The following CTNNAL1 variants were observed in gnomAD, a reference collection of about 807,000 sequenced individuals.
CTNNAL1 encodes the protein alpha-catulin.
A neutral mutation model predicts 93.6 loss-of-function variants in CTNNAL1; 69 were observed. The ratio of observed to expected loss-of-function variants is 0.74; its 90% CI spans 0.61 to 0.90. The LOEUF (loss-of-function observed/expected upper bound fraction) is 0.90, where lower values mean the gene tolerates loss of function less well. Ranked by LOEUF, CTNNAL1 falls within the 40% of genes least tolerant of loss-of-function variation. The pLI, the probability that CTNNAL1 is intolerant of heterozygous loss-of-function variation, is 0.00. For synonymous variants in CTNNAL1, 286 were observed against 305.4 expected, an observed-to-expected ratio of 0.94 and a Z score of 0.66; for missense variants, 836 against 862.0, an observed-to-expected ratio of 0.97 and a Z score of 0.38.
intron 4 of CTNNAL1, 128 bp downstream of exon 4, chr9:108,990,598 C>T (rs556086556): frequency 8.7e-7 from 1 of 1,156,004 alleles, no homozygotes; most frequent in African/African-American, 1.6e-5. Flanking sequence ...CTATGAAAGG[C>T]TTTCAAGACC....
rs764619718 is a variant in CTNNAL1, at chr9:108,979,266, A to T, written c.1101+15T>A. The T allele has an allele frequency of 9.3e-6, 15 of 1,612,882 alleles. No individual in the cohort carries two copies. The highest frequency in any genetic ancestry group is 4.5e-5 in the East Asian group (2 of 44,860). On this transcript the variant is annotated intron_variant, in intron 7 of 18. Coordinates refer to ENST00000325551, the MANE Select transcript of CTNNAL1 (RefSeq NM_003798.4). ...ATTATATAAGATTTACTTTGATTTT[A>T]AAAAAAGTTCTTACAGCTTGAATCC... is the stretch of plus-strand genomic sequence containing the variant.
chr9:108,959,237 C>T (rs1306180049), intron 11 of CTNNAL1, among the ~76,000 whole-genome samples: 10 of 150,992 alleles, frequency 6.6e-5, no homozygotes, highest in African/African-American at 9.7e-5. Context: ...TGGTGGTGGG[C>T]GCCTGTAGTC....
At chr9:108,966,560 G>C (rs1456187869) in intron 10 of CTNNAL1, among the ~76,000 whole-genome samples, 2 of 152,084 alleles carry the variant, frequency 1.3e-5, no homozygotes, top group Non-Finnish European at 1.5e-5. Context: ...GGACTTTGAG[G>C]TCCTGAGGGC....
At chr9:108,978,418 T>C (rs559438786) in intron 7 of CTNNAL1, among the ~76,000 whole-genome samples, 14 of 152,372 alleles carry the variant, frequency 9.2e-5, no homozygotes, top group African/African-American at 3.1e-4. Context: ...GTCTCAGCCA[T>C]ATCCACCCTC....
intron 11 of CTNNAL1, among the ~76,000 whole-genome samples, chr9:108,958,063 C>CAAAAAAAAAAAAAAA (rs11291554): frequency 5.9e-5 from 5 of 85,114 alleles, no homozygotes; most frequent in Non-Finnish European, 1.1e-4. Flanking sequence ...AAGACTGTCT[C>CAAAAAAAAAAAAAAA]AAAAAAAAAA....
chr9:108,992,145 G>A, intron 3 of CTNNAL1: 2 of 690,178 alleles, frequency 2.9e-6, no homozygotes, highest in Non-Finnish European at 5.3e-6. Flanking sequence ...CATTATCATA[G>A]TGCTCACCTT....
Position 108,979,319 on chromosome 9 carries a change from T to C in CTNNAL1, c.1063A>G (p.Met355Val). The change falls in exon 7 of 19, where the codon ATG becomes GTG. Residue 355 changes from methionine (M) to valine (V), a missense_variant. Physicochemically the swap from Met to Val is conservative, Grantham distance 21. Coordinates refer to ENST00000325551, the MANE Select transcript of CTNNAL1 (RefSeq NM_003798.4). Reference protein sequence around the residue: ...RILELSTQARMELQQLISVWI... With the variant: ...RILELSTQARVELQQLISVWI... The stretch of plus-strand genomic sequence containing the variant: ...ACAGAAATTAACTGCTGCAGTTCCA[T>C]TCTCGCCTGAGTTGACAGTTCCAAG... 3 of 1,614,184 alleles carry C rather than the reference T, an allele frequency of 1.9e-6. No individual in the cohort carries two copies. Among genetic ancestry groups the C allele is most frequent in the Non-Finnish European group, 2.5e-6 (3 of 1,180,024 alleles).
chr9:108,976,940 C>A, intron 8 of CTNNAL1, 22 bp downstream of exon 8: 1 of 1,061,442 alleles, frequency 9.4e-7, no homozygotes, highest in East Asian at 2.9e-5. Context: ...TTAGAAGAGG[C>A]TAAATTTCAA....
chr9:108,992,533 A>G lies in CTNNAL1; in HGVS notation c.519+99T>C, dbSNP rs75319450. ...ATTCCCACAGCTAGCTGCATTCTTC[A>G]TCGACACACAAGCCAAGCAATCCAC... On this transcript the variant is annotated intron_variant, in intron 3 of 18. Transcript: ENST00000325551. 2.4e-5 allele frequency: 34 copies of G among 1,400,192 alleles called. No individual in the cohort carries two copies. The East Asian group carries it at 7.5e-4, about 31-fold the overall frequency. 86.7% of individuals were successfully genotyped at this position (1,400,192 alleles called of 1,614,324 possible).
rs1831487673 is a variant in CTNNAL1 at position 108,983,139 on chromosome 9, T to G, written c.900+6A>C. The G allele has an allele frequency of 2.7e-6, 4 of 1,497,414 alleles. No individual in the cohort carries two copies. Among genetic ancestry groups the G allele is most frequent in the Non-Finnish European group, 3.6e-6 (4 of 1,126,426 alleles). The allele number at this position is 1,497,414 out of a possible 1,614,324, so 92.8% of individuals were successfully genotyped here. On this transcript the variant is annotated splice_donor_region_variant and intron_variant, in intron 6 of 18. Coordinates refer to ENST00000325551, the MANE Select transcript of CTNNAL1 (RefSeq NM_003798.4). ...AAAAATAAAAATATACTCTCTTTAT[T>G]CTTACCTTGAATTCCTTAATTCCAG... is the stretch of plus-strand genomic sequence containing the variant.
At chr9:108,972,088 C>T (rs1247382889) in intron 9 of CTNNAL1, among the ~76,000 whole-genome samples, 3 of 152,154 alleles carry the variant, frequency 2.0e-5, no homozygotes, top group Non-Finnish European at 2.9e-5. Flanking sequence ...CCTTGACTCC[C>T]ATGCTCCTCC....
intron 1 of CTNNAL1, among the ~76,000 whole-genome samples, chr9:109,003,373 G>A (rs140492324): frequency 1.7e-3 from 253 of 152,262 alleles, no homozygotes; most frequent in Admixed American, 2.9e-3. Flanking sequence ...GGACTAAAAG[G>A]GAATACATCT....
At position 108,964,863 on chromosome 9, in the gene CTNNAL1, T is replaced by C. The variant is rs537162330; in HGVS notation, c.1591+515A>G. On this transcript the variant is annotated intron_variant, in intron 11 of 18. Transcript: ENST00000325551. ...TTTGTTTTATTTATTTATTTATTTA[T>C]TTATTTATTTATTTTTTGAGACAGA... Among the ~76,000 whole-genome samples, 8 of 151,898 alleles carry C rather than the reference T, an allele frequency of 5.3e-5. No homozygotes were observed. In the East Asian group the frequency reaches 1.5e-3, roughly 29 times the overall value.
chr9:108,978,460 A>G (rs536818843), intron 7 of CTNNAL1, among the ~76,000 whole-genome samples: 3 of 152,218 alleles, frequency 2.0e-5, no homozygotes, highest in Non-Finnish European at 4.4e-5. Flanking sequence ...AGCTTTGTTC[A>G]TGACTTCCAG....
Position 108,942,850 on chromosome 9 carries a change from A to G in CTNNAL1, c.2140-16T>C. The G allele has an allele frequency of 6.2e-7, 1 of 1,613,492 alleles. No homozygotes were observed. Among genetic ancestry groups the G allele is most frequent in the Non-Finnish European group, 8.5e-7 (1 of 1,179,646 alleles). On this transcript the variant is annotated splice_polypyrimidine_tract_variant and intron_variant, in intron 18 of 18. Coordinates refer to ENST00000325551, the MANE Select transcript of CTNNAL1 (RefSeq NM_003798.4). Reference sequence around the variant, plus strand: ...CCATCTGAAGCTGGAAAGAGTTAAGACAATTAGTATCTGGTTTCACTCTGA... The same window carrying G: ...CCATCTGAAGCTGGAAAGAGTTAAGGCAATTAGTATCTGGTTTCACTCTGA...
intron 2 of CTNNAL1, among the ~76,000 whole-genome samples, chr9:108,994,303 C>T (rs1226171808): frequency 1.3e-5 from 2 of 151,688 alleles, no homozygotes; most frequent in East Asian, 1.9e-4. Flanking sequence ...TAGAGCCAGG[C>T]TATTGTATCA....
chr9:108,952,592 A>G, intron 12 of CTNNAL1, 98 bp from the exon 13 acceptor site: 1 of 1,443,204 alleles, frequency 6.9e-7, no homozygotes. Flanking sequence ...TACTTGTAAC[A>G]AAAGTTTAAA....
At chr9:108,978,750 T>C (rs1455716671) in intron 7 of CTNNAL1, among the ~76,000 whole-genome samples, 1 of 152,160 alleles carries the variant, frequency 6.6e-6, no homozygotes, top group Non-Finnish European at 1.5e-5. Context: ...GACCAGGAAT[T>C]TGTGCAAGGG....
intron 1 of CTNNAL1, among the ~76,000 whole-genome samples, chr9:109,002,682 T>C (rs1332677131): frequency 2.0e-5 from 3 of 152,030 alleles, no homozygotes; most frequent in Non-Finnish European, 2.9e-5. Context: ...ACTTGCTGGT[T>C]TTAAAAATTC....
Sources: allele counts gnomAD v4.1 joint callset (sites outside exome capture counted in the v4.1 genomes callset), GRCh38; gene constraint gnomAD v4.1.1; transcripts MANE v1.5; gene names NCBI Gene and HGNC (gene_info 2026-07-23, HGNC 2026-07-21).